GRID2: variants seen among roughly 807,000 people sequenced by gnomAD.
The protein encoded by GRID2 is glutamate receptor ionotropic, delta-2.
In GRID2, 33 loss-of-function variants were observed where a neutral mutation model predicts 114.8. That is an observed-to-expected ratio of 0.29 (90% CI 0.22 to 0.38). The LOEUF is 0.38. GRID2 is among the 10% of genes least tolerant of loss of function. GRID2 has a pLI of 1.00. For synonymous variants in GRID2, 505 were observed against 449.9 expected, an observed-to-expected ratio of 1.12 and a Z score of -1.55; for missense variants, 1,184 against 1,257.7, an observed-to-expected ratio of 0.94 and a Z score of 0.89.
intron 15 of GRID2, among the ~76,000 whole-genome samples, chr4:93,770,263 G>A (rs1734002137): frequency 6.6e-6 from 1 of 152,152 alleles, no homozygotes; most frequent in Non-Finnish European, 1.5e-5. Flanking sequence ...TTCACAAATT[G>A]AAACAAAAAC....
intron 7 of GRID2, among the ~76,000 whole-genome samples, chr4:93,237,611 C>T (rs1579383116): frequency 6.6e-6 from 1 of 151,776 alleles, no homozygotes. Flanking sequence ...ACTCAGAGTG[C>T]GATTTTCATT....
Position 92,680,542 on chromosome 4 carries a change from G to A in GRID2, c.244+90256G>A, listed in dbSNP as rs780306237. ...AAAGGGGGTAATTTTCATCAGCTGC[G>A]GAAGCTTTAGGGAGAAGTAGCAACT... is the stretch of plus-strand genomic sequence containing the variant. On this transcript the variant is annotated intron_variant, in intron 2 of 15. Coordinates refer to ENST00000282020, the MANE Select transcript of GRID2 (RefSeq NM_001510.4). Among the ~76,000 whole-genome samples the A allele has an allele frequency of 4.6e-5, 7 of 152,156 alleles. 1 individual carries two copies. The highest frequency in any genetic ancestry group is 3.4e-3 in the Middle Eastern group (1 of 294).
In GRID2 at chr4:93,682,300, T is replaced by C. The variant is rs1725642029; in HGVS notation, c.2360+55865T>C. Among the ~76,000 whole-genome samples the C allele has an allele frequency of 4.7e-5, 7 of 149,792 alleles. No homozygotes were observed. In the South Asian group the frequency reaches 1.5e-3, roughly 32 times the overall value. On this transcript the variant is annotated intron_variant, in intron 14 of 15. Coordinates refer to ENST00000282020, the MANE Select transcript of GRID2 (RefSeq NM_001510.4). ...GAAACAACAGGTGCTGGAGAGGATG[T>C]GGAGAAATAGGAACACTTTTACACT... is the stretch of plus-strand genomic sequence containing the variant.
chr4:93,613,490 G>A lies in GRID2; in HGVS notation c.2194-12779G>A, dbSNP rs1358459652. ...GATGGTGATGTACAGATGGGTTTTC[G>A]GTGTAGATGTCCTTTCTGGTTGTTA... On this transcript the variant is annotated intron_variant, in intron 13 of 15. Transcript: ENST00000282020. Among the ~76,000 whole-genome samples, 64 of 73,224 alleles carry A rather than the reference G, an allele frequency of 8.7e-4. 1 individual carries two copies. The highest frequency in any genetic ancestry group is 5.7e-3 in the Middle Eastern group (1 of 174). The allele number at this position is 73,224 out of a possible 152,430, so 48.0% of individuals were successfully genotyped here.
In GRID2 at chr4:93,616,143, C is replaced by G. The variant is rs1294587996; in HGVS notation, c.2194-10126C>G. Among the ~76,000 whole-genome samples the G allele has an allele frequency of 2.0e-5, 3 of 152,134 alleles. No individual in the cohort carries two copies. In the East Asian group the frequency reaches 5.8e-4, roughly 29 times the overall value. ...CATTTTGAGGTAACTGAAAAGTGAT[C>G]AAAAATTTTAATTATGAAAGCTTTA... On this transcript the variant is annotated intron_variant, in intron 13 of 15. Transcript: ENST00000282020.
At chr4:92,541,084 A>C (rs962676072) in intron 1 of GRID2, among the ~76,000 whole-genome samples, 5 of 151,984 alleles carry the variant, frequency 3.3e-5, no homozygotes, top group Admixed American at 2.6e-4. Context: ...ATAGGTGGGA[A>C]TTGAACAATG....
chr4:93,528,791 T>C (rs1453181741), intron 13 of GRID2, among the ~76,000 whole-genome samples: 3 of 152,162 alleles, frequency 2.0e-5, no homozygotes, highest in Non-Finnish European at 4.4e-5. Flanking sequence ...GAACAAAAAC[T>C]CATGTTATTC....
intron 1 of GRID2, among the ~76,000 whole-genome samples, chr4:92,388,457 A>T (rs976048689): frequency 6.6e-6 from 1 of 151,884 alleles, no homozygotes; most frequent in African/African-American, 2.4e-5. Context: ...CCATGACTAG[A>T]TCTTCTGAAG....
At chr4:93,369,778 T>G (rs578129028) in intron 8 of GRID2, among the ~76,000 whole-genome samples, 1 of 152,336 alleles carries the variant, frequency 6.6e-6, no homozygotes. Context: ...TATAAGCCAC[T>G]GTGCCAGGCT....
intron 2 of GRID2, among the ~76,000 whole-genome samples, chr4:92,754,535 T>C (rs1737615799): frequency 6.6e-6 from 1 of 152,198 alleles, no homozygotes; most frequent in African/African-American, 2.4e-5. Context: ...GTGATGATCA[T>C]GATACCGATC....
chr4:92,328,402 A>G lies in GRID2; in HGVS notation c.88+23658A>G, dbSNP rs140965443. On this transcript the variant is annotated intron_variant, in intron 1 of 15. Coordinates refer to ENST00000282020, the MANE Select transcript of GRID2 (RefSeq NM_001510.4). ...GAGTGGTTGAAAATAAACATTCAGA[A>G]GTAATCACAGCATAACGGACTTGCG... 3.9e-5 allele frequency among the ~76,000 whole-genome samples: 6 copies of G among 152,190 alleles called. No homozygotes were observed. In the East Asian group the frequency reaches 1.2e-3, roughly 29 times the overall value.
At chr4:93,223,661 C>G (rs12640701) in intron 6 of GRID2, among the ~76,000 whole-genome samples, 13,090 of 152,186 alleles carry the variant, frequency 0.086, 657 homozygotes, top group East Asian at 0.25. Context: ...ATTTTCATCA[C>G]TACATTGATT....
rs1414162052 is a variant in GRID2, at chr4:93,166,839, G to A, written c.736-40565G>A. Among the ~76,000 whole-genome samples, 6 of 152,104 alleles carry A rather than the reference G, an allele frequency of 3.9e-5. No homozygotes were observed. The South Asian group carries it at 6.2e-4, about 16-fold the overall frequency. ...CTACTGAGTAAGGTCTCTGATTCTC[G>A]TGAGTCTGCTTTGAGAATCTAAACC... On this transcript the variant is annotated intron_variant, in intron 4 of 15. Coordinates refer to ENST00000282020, the MANE Select transcript of GRID2 (RefSeq NM_001510.4).
chr4:93,085,859 A>T (rs548449313), intron 3 of GRID2, among the ~76,000 whole-genome samples: 14 of 152,256 alleles, frequency 9.2e-5, no homozygotes, highest in African/African-American at 3.4e-4. Flanking sequence ...GTAAAAAAAA[A>T]ATTCTTTAAT....
At chr4:93,714,097 C>G (rs1349242201) in intron 14 of GRID2, among the ~76,000 whole-genome samples, 3 of 152,052 alleles carry the variant, frequency 2.0e-5, no homozygotes, top group African/African-American at 7.2e-5. Context: ...CTTCCTCCCC[C>G]ACCCCCAACA....
intron 7 of GRID2, among the ~76,000 whole-genome samples, chr4:93,232,975 A>T (rs911632004): frequency 1.4e-4 from 21 of 152,198 alleles, no homozygotes; most frequent in Admixed American, 2.6e-4. Flanking sequence ...CAAAAGGAGA[A>T]ATACCAAGTG....
chr4:93,670,332 T>C (rs1392721964), intron 14 of GRID2, among the ~76,000 whole-genome samples: 2 of 152,202 alleles, frequency 1.3e-5, no homozygotes. Flanking sequence ...TCTTGGGATA[T>C]AATTGCTTCC....
chr4:93,694,495 A>G (rs1019336416), intron 14 of GRID2, among the ~76,000 whole-genome samples: 2 of 152,106 alleles, frequency 1.3e-5, no homozygotes, highest in African/African-American at 4.8e-5. Context: ...TGCAGTTTCA[A>G]TCCTCTACCA....
chr4:92,478,733 T>C (rs1288623213), intron 1 of GRID2, among the ~76,000 whole-genome samples: 3 of 152,158 alleles, frequency 2.0e-5, no homozygotes, highest in African/African-American at 7.2e-5. Context: ...TGACTTCTTT[T>C]TTTCCCTTTA....
Sources: gnomAD v4.1 joint callset for allele counts (sites outside exome capture counted in the v4.1 genomes callset) on GRCh38, gnomAD v4.1.1 for gene constraint, MANE v1.5 for transcripts, NCBI Gene and HGNC (gene_info 2026-07-23, HGNC 2026-07-21) for gene names.